Variants in CHRNA9 observed in about 807,000 individuals in gnomAD.
The protein encoded by CHRNA9 is cholinergic receptor nicotinic alpha 9 subunit, also known as neuronal acetylcholine receptor subunit alpha-9.
In CHRNA9, 24 loss-of-function variants were observed where a neutral mutation model predicts 36.8. The ratio of observed to expected loss-of-function variants is 0.65; its 90% CI spans 0.47 to 0.92. CHRNA9 has a LOEUF of 0.92. Among genes scored for constraint, CHRNA9 ranks in the 40% least tolerant of loss-of-function variants. The pLI is 0.00. For synonymous variants in CHRNA9, 231 were observed against 231.8 expected (o/e 1.00, Z 0.03); for missense variants, 610 against 601.2 (o/e 1.01, Z -0.15).
chr4:40,350,240 A>G (rs913886192), intron 4 of CHRNA9, among the ~76,000 whole-genome samples: 14 of 152,178 alleles, frequency 9.2e-5, no homozygotes, highest in Non-Finnish European at 2.1e-4. Context: ...TGATTTAGCA[A>G]CTTGGCCGAG....
At chr4:40,343,890 C>A (rs906060298) in intron 3 of CHRNA9, among the ~76,000 whole-genome samples, 17 of 152,160 alleles carry the variant, frequency 1.1e-4, no homozygotes, top group Non-Finnish European at 1.6e-4. Flanking sequence ...ACATCCTAAT[C>A]CCCAAGACCT....
At chr4:40,345,845 C>T (rs1712623527) in intron 3 of CHRNA9, among the ~76,000 whole-genome samples, 1 of 152,098 alleles carries the variant, frequency 6.6e-6, no homozygotes, top group Non-Finnish European at 1.5e-5. Flanking sequence ...GCCAACATGG[C>T]AAAACCCTGT....
At chr4:40,346,579 C>G (rs1712643366) in intron 3 of CHRNA9, among the ~76,000 whole-genome samples, 1 of 152,176 alleles carries the variant, frequency 6.6e-6, no homozygotes, top group Admixed American at 6.5e-5. Flanking sequence ...AGATAGCTAA[C>G]TGTACACATT....
At position 40,353,873 on chromosome 4, in the gene CHRNA9, A is replaced by T. The variant is rs1037406382; in HGVS notation, c.899-106A>T. The T allele has an allele frequency of 5.7e-6, 6 of 1,053,418 alleles. No homozygotes were observed. The African/African-American group carries it at 8.0e-5, about 14-fold the overall frequency. The allele number at this position is 1,053,418 out of a possible 1,614,324, so 65.3% of individuals were successfully genotyped here. On this transcript the variant is annotated intron_variant, in intron 4 of 4. Transcript: ENST00000310169. Reference sequence around the variant, plus strand: ...TGTTCACACAACAGCAAAATCACCTAATGACTAATACCTTTCTCAGAATGT... The same window carrying T: ...TGTTCACACAACAGCAAAATCACCTTATGACTAATACCTTTCTCAGAATGT...
Position 40,336,502 on chromosome 4 carries a change from G to A in CHRNA9, c.210+530G>A, listed in dbSNP as rs571944203. 9.2e-5 allele frequency among the ~76,000 whole-genome samples: 14 copies of A among 151,722 alleles called. 1 individual carries two copies. In the South Asian group the frequency reaches 2.9e-3, roughly 32 times the overall value. On this transcript the variant is annotated intron_variant, in intron 2 of 4. Coordinates refer to ENST00000310169, the MANE Select transcript of CHRNA9 (RefSeq NM_017581.4). ...TTGATCTTAATTTTTTTTTTGAGAC[G>A]GAGTCTTGCTGTCACCCAGGCTGGA...
chr4:40,335,692 A>C, intron 1 of CHRNA9, 135 bp from the exon 2 acceptor site: 1 of 1,033,014 alleles, frequency 9.7e-7, no homozygotes, highest in Non-Finnish European at 1.5e-6. Context: ...CCAGAAAAAC[A>C]ACTCATCCAT....
In CHRNA9 at chr4:40,354,194, A is replaced by C. The variant is rs199876894; in HGVS notation, c.1114A>C (p.Lys372Gln). Residue 372 changes from lysine to glutamine, a missense_variant, in exon 5 of 5, where the codon AAA (lysine) becomes CAA (glutamine). Coordinates refer to ENST00000310169, the MANE Select transcript of CHRNA9 (RefSeq NM_017581.4). ...CAGTAGAGAGCGGGACCACCTCACG[A>C]AAGTTTATAGCAAACTCCCAGAGTC... ...HHSRERDHLT[K>Q]VYSKLPESNL... 3 of 1,614,230 alleles carry C rather than the reference A, an allele frequency of 1.9e-6. No individual in the cohort carries two copies. Among genetic ancestry groups the C allele is most frequent in the Non-Finnish European group, 2.5e-6 (3 of 1,180,036 alleles).
chr4:40,352,177 C>A lies in CHRNA9; in HGVS notation c.899-1802C>A, dbSNP rs564508031. The stretch of plus-strand genomic sequence containing the variant: ...TTCTTGCACTAATTTTGACATCTAA[C>A]ATTTTTCCAGCAGTTTCATCTAGAT... On this transcript the variant is annotated intron_variant, in intron 4 of 4. Transcript: ENST00000310169. 4.6e-5 allele frequency among the ~76,000 whole-genome samples: 7 copies of A among 152,260 alleles called. No individual in the cohort carries two copies. The South Asian group carries it at 1.5e-3, about 32-fold the overall frequency.
chr4:40,339,178 C>T (rs1255796682), intron 3 of CHRNA9, among the ~76,000 whole-genome samples: 1 of 146,846 alleles, frequency 6.8e-6, no homozygotes, highest in Non-Finnish European at 1.5e-5. Flanking sequence ...ACTTGGGAGG[C>T]TGAGGCAGGA....
chr4:40,348,429 A>G (rs1712697261), intron 3 of CHRNA9, among the ~76,000 whole-genome samples: 2 of 152,218 alleles, frequency 1.3e-5, no homozygotes, highest in Non-Finnish European at 2.9e-5. Flanking sequence ...AAATGTTACA[A>G]ATAAACATGT....
At chr4:40,343,276 C>T (rs1228136496) in intron 3 of CHRNA9, among the ~76,000 whole-genome samples, 2 of 152,164 alleles carry the variant, frequency 1.3e-5, no homozygotes, top group Admixed American at 6.5e-5. Flanking sequence ...TAAAGACATA[C>T]CCAAGACTGG....
At chr4:40,343,612 G>A (rs1032721762) in intron 3 of CHRNA9, among the ~76,000 whole-genome samples, 1 of 152,204 alleles carries the variant, frequency 6.6e-6, no homozygotes, top group Non-Finnish European at 1.5e-5. Flanking sequence ...CTGCCTGAAG[G>A]CCACTGAGTG....
chr4:40,352,477 G>T (rs567203292), intron 4 of CHRNA9, among the ~76,000 whole-genome samples: 113 of 152,074 alleles, frequency 7.4e-4, no homozygotes, highest in Non-Finnish European at 1.3e-3. Context: ...CACCCACCTC[G>T]GCCTCCCAAA....
chr4:40,342,804 C>A (rs190870880), intron 3 of CHRNA9, among the ~76,000 whole-genome samples: 2 of 151,994 alleles, frequency 1.3e-5, no homozygotes, highest in East Asian at 3.9e-4. Context: ...GAGAGACTTG[C>A]GAACAGAGTT....
At chr4:40,347,222 G>A (rs1241458591) in intron 3 of CHRNA9, among the ~76,000 whole-genome samples, 1 of 152,148 alleles carries the variant, frequency 6.6e-6, no homozygotes, top group East Asian at 1.9e-4. Context: ...ACCGAGTAGT[G>A]TACACTGTGC....
At chr4:40,339,340 A>T (rs1282558702) in intron 3 of CHRNA9, among the ~76,000 whole-genome samples, 1 of 150,670 alleles carries the variant, frequency 6.6e-6, no homozygotes, top group African/African-American at 2.4e-5. Flanking sequence ...TCATTGACAC[A>T]GATGATCTCT....
chr4:40,345,819 G>A lies in CHRNA9; in HGVS notation c.366-3063G>A, dbSNP rs184848565. ...GCGGGTGGATCACCTGAGGTCAGGA[G>A]TTCAAGACCAGCTTGGCCAACATGG... On this transcript the variant is annotated intron_variant, in intron 3 of 4. Coordinates refer to ENST00000310169, the MANE Select transcript of CHRNA9 (RefSeq NM_017581.4). 7.9e-5 allele frequency among the ~76,000 whole-genome samples: 12 copies of A among 152,314 alleles called. 1 individual carries two copies. The highest frequency in any genetic ancestry group is 2.6e-4 in the African/African-American group (11 of 41,570).
chr4:40,345,697 G>T (rs1463428411), intron 3 of CHRNA9, among the ~76,000 whole-genome samples: 1 of 151,084 alleles, frequency 6.6e-6, no homozygotes, highest in Admixed American at 6.6e-5. Context: ...GGGCAACAGG[G>T]TGATACTCCA....
At chr4:40,337,172 G>A (rs1712346656) in intron 2 of CHRNA9, 38 bp from the exon 3 acceptor site, 2 of 1,599,632 alleles carry the variant, frequency 1.3e-6, no homozygotes, top group Non-Finnish European at 1.7e-6. Flanking sequence ...CATTTCAAGT[G>A]TCTGCTAGGT....
Sources: allele counts gnomAD v4.1 joint callset (sites outside exome capture counted in the v4.1 genomes callset), GRCh38; gene constraint gnomAD v4.1.1; transcripts MANE v1.5; gene names NCBI Gene and HGNC (gene_info 2026-07-23, HGNC 2026-07-21).